The following TFEB variants were observed in gnomAD, a reference collection of about 807,000 sequenced individuals.
The protein encoded by TFEB is transcription factor EB, also known as T-cell transcription factor EB.
In TFEB, 12 loss-of-function variants were observed where a neutral mutation model predicts 48.0. The ratio of observed to expected loss-of-function variants is 0.25; its 90% CI spans 0.16 to 0.40. The LOEUF (loss-of-function observed/expected upper bound fraction) is 0.40. Among genes scored for constraint, TFEB ranks in the 10% least tolerant of loss-of-function variants. The pLI, the probability that TFEB is intolerant of heterozygous loss-of-function variation, is 1.00. For synonymous variants in TFEB, 244 were observed against 261.4 expected (o/e 0.93, Z 0.64); for missense variants, 509 against 640.3 (o/e 0.79, Z 2.21).
Position 41,690,881 on chromosome 6 carries a change from G to A in TFEB, c.250C>T (p.Leu84=). 1 of 1,605,092 alleles carries A rather than the reference G, an allele frequency of 6.2e-7. No individual in the cohort carries two copies. Among genetic ancestry groups the A allele is most frequent in the South Asian group, 1.1e-5 (1 of 90,142 alleles). Residue 84 remains leucine (L), a synonymous_variant, in exon 3 of 9, where the codon CTG becomes TTG. Coordinates refer to ENST00000373033, the MANE Select transcript of TFEB (RefSeq NM_001271944.2). Reference sequence around the variant, plus strand: ...ACCTTCTGATGCTGCGACTGCTGCAGATGGTAGGATGTGGGATTCTCCAGG... The same window carrying A: ...ACCTTCTGATGCTGCGACTGCTGCAAATGGTAGGATGTGGGATTCTCCAGG... ...SYLENPTSYH[L]QQSQHQKVRE...
intron 1 of TFEB, among the ~76,000 whole-genome samples, chr6:41,701,669 G>A (rs1468433657): frequency 1.3e-5 from 2 of 152,228 alleles, no homozygotes; most frequent in African/African-American, 4.8e-5. Context: ...AGTAGGCCAG[G>A]CGCAGTGGCT....
In TFEB at chr6:41,733,885, C is replaced by T. The variant is rs1771555300; in HGVS notation, c.-23+1465G>A. 1.0e-5 allele frequency: 10 copies of T among 986,076 alleles called. No individual in the cohort carries two copies. In the South Asian group the frequency reaches 4.7e-4, roughly 46 times the overall value. The allele number at this position is 986,076 out of a possible 1,614,324, so 61.1% of individuals were successfully genotyped here. On this transcript the variant is annotated intron_variant, in intron 1 of 8. Transcript: ENST00000373033. ...CCAGAAGGAAACCAGAGACCAGCCTCCAACCTCATCCCCAGCTGCCCAACA... is the reference window on the plus strand; with the variant it reads ...CCAGAAGGAAACCAGAGACCAGCCTTCAACCTCATCCCCAGCTGCCCAACA...
At chr6:41,690,972 G>C in intron 2 of TFEB, 29 bp downstream of exon 2, 1 of 1,568,998 alleles carries the variant, frequency 6.4e-7, no homozygotes. Context: ...GTGGGGACAG[G>C]GTGGGGGGCA....
At chr6:41,697,145 C>T (rs943899455) in intron 1 of TFEB, among the ~76,000 whole-genome samples, 29 of 151,510 alleles carry the variant, frequency 1.9e-4, no homozygotes, top group Middle Eastern at 3.5e-3. Flanking sequence ...TGGTGGCTCA[C>T]GCCTGTAATC....
chr6:41,714,392 C>T (rs1469716073), intron 1 of TFEB, among the ~76,000 whole-genome samples: 1 of 152,108 alleles, frequency 6.6e-6, no homozygotes, highest in Non-Finnish European at 1.5e-5. Flanking sequence ...TGTCTTTGTT[C>T]TAGATTATGA....
At chr6:41,710,667 G>T (rs1770435755) in intron 1 of TFEB, among the ~76,000 whole-genome samples, 1 of 152,112 alleles carries the variant, frequency 6.6e-6, no homozygotes, top group Non-Finnish European at 1.5e-5. Context: ...TAAAGTCCAA[G>T]CGCTCTAGTT....
In TFEB at chr6:41,686,087, G is replaced by C. The variant is rs1038683928; in HGVS notation, c.951+3C>G. ...CCAAAGAAGTCCAAGTTCAGGACCA[G>C]ACCTGGATACGGAGCCAGAGCTGCT... is the stretch of plus-strand genomic sequence containing the variant. On this transcript the variant is annotated splice_donor_region_variant and intron_variant, in intron 8 of 8. Transcript: ENST00000373033. 5 of 1,614,266 alleles carry C rather than the reference G, an allele frequency of 3.1e-6. No individual in the cohort carries two copies. Among genetic ancestry groups the C allele is most frequent in the Non-Finnish European group, 4.2e-6 (5 of 1,180,044 alleles).
chr6:41,725,814 C>T (rs572603169), intron 1 of TFEB, among the ~76,000 whole-genome samples: 13 of 152,282 alleles, frequency 8.5e-5, no homozygotes, highest in African/African-American at 2.9e-4. Flanking sequence ...AGACATGTTA[C>T]ACACTCACCA....
rs1342911865 is a variant in TFEB at position 41,730,643 on chromosome 6, A to G, written c.-23+4707T>C. 6.6e-6 allele frequency among the ~76,000 whole-genome samples: 1 copy of G among 152,184 alleles called. No homozygotes were observed. The highest frequency in any genetic ancestry group is 6.5e-5 in the Admixed American group (1 of 15,284). ...CTCACCCACGGCTTTGCCATTTCAC[A>G]GCAAAGCATTTCCTGTGGGCATGAT... is the stretch of plus-strand genomic sequence containing the variant. On this transcript the variant is annotated intron_variant, in intron 1 of 8. Transcript: ENST00000373033. This position sits in a 1 kb window ranked among gnomAD's most constrained non-coding sequence, Gnocchi z 4.1.
chr6:41,733,775 C>T, intron 1 of TFEB: 2 of 985,378 alleles, frequency 2.0e-6, no homozygotes, highest in Non-Finnish European at 2.4e-6. Flanking sequence ...GGACAGTGAG[C>T]TCCCTGAGGG....
rs974082578 is a variant in TFEB at position 41,725,161 on chromosome 6, C to T, written c.-23+10189G>A. Among the ~76,000 whole-genome samples the T allele has an allele frequency of 3.3e-5, 5 of 152,196 alleles. 1 individual carries two copies. Among genetic ancestry groups the T allele is most frequent in the Non-Finnish European group, 7.4e-5 (5 of 68,012 alleles). Reference sequence around the variant, plus strand: ...AGCAAGTTTATGGCAAATCTGTTTCCTGGCTCTTTTCCTAGATCAGAGTTT... The same window carrying T: ...AGCAAGTTTATGGCAAATCTGTTTCTTGGCTCTTTTCCTAGATCAGAGTTT... On this transcript the variant is annotated intron_variant, in intron 1 of 8. Transcript: ENST00000373033.
At chr6:41,702,496 G>A (rs1185232724) in intron 1 of TFEB, among the ~76,000 whole-genome samples, 3 of 152,124 alleles carry the variant, frequency 2.0e-5, no homozygotes. Flanking sequence ...GGGCCTGAGG[G>A]CGATAGAGGG....
Position 41,684,891 on chromosome 6 carries a change from G to A in TFEB, c.1139C>T (p.Pro380Leu), listed in dbSNP as rs199923357. ...TGGTGGCTGGGTGGGCAGGGGCAGC[G>A]GGGCTTGCGGGGGCAGAGCTGGCAG... ...EPLPALPPQA[P>L]LPLPTQPPSP... Residue 380 changes from proline to leucine, a missense_variant, in exon 9 of 9, where the codon CCG becomes CTG. Around this residue, in one of 4 missense-constraint regions of TFEB, gnomAD observed 168 missense variants for 161.0 expected, o/e 1.04. Coordinates refer to ENST00000373033, the MANE Select transcript of TFEB (RefSeq NM_001271944.2). 1.2e-4 allele frequency: 195 copies of A among 1,567,524 alleles called. No homozygotes were observed. Among genetic ancestry groups the A allele is most frequent in the Non-Finnish European group, 1.4e-4 (165 of 1,155,830 alleles).
Position 41,734,859 on chromosome 6 carries a change from C to G in TFEB, c.-23+491G>C, listed in dbSNP as rs1771608506. ...GCCGCTCTGGCCCTCCCACTCCCCC[C>G]GCTGGCCTGGCCAGACTCAGCCCCC... On this transcript the variant is annotated intron_variant, in intron 1 of 8. Coordinates refer to ENST00000373033, the MANE Select transcript of TFEB (RefSeq NM_001271944.2). The surrounding 1 kb of genome is among the most constrained non-coding windows in gnomAD (Gnocchi z 4.0). The G allele has an allele frequency of 1.0e-6, 1 of 983,286 alleles. No homozygotes were observed. The highest frequency in any genetic ancestry group is 1.2e-6 in the Non-Finnish European group (1 of 828,034). The allele number at this position is 983,286 out of a possible 1,614,324, so 60.9% of individuals were successfully genotyped here.
rs1771082679 is a variant in TFEB, at chr6:41,723,652, G to GCGGC, written c.-23+11694_-23+11697dup. 11 of 790,256 alleles carry GCGGC rather than the reference G, an allele frequency of 1.4e-5. No individual in the cohort carries two copies. In the South Asian group the frequency reaches 1.9e-4, roughly 14 times the overall value. 49.0% of individuals were successfully genotyped at this position (790,256 alleles called of 1,614,324 possible). A position where few individuals can be genotyped will look rare whatever the true frequency, so the allele number is the denominator to read the frequency against. On this transcript the variant is annotated intron_variant, in intron 1 of 8. Coordinates refer to ENST00000373033, the MANE Select transcript of TFEB (RefSeq NM_001271944.2). The surrounding 1 kb of genome is among the most constrained non-coding windows in gnomAD (Gnocchi z 6.0). Reference sequence around the variant, plus strand: ...GCACAATCCCCTGGGAGCTGCAAATGCGGCCGAGGATTACTCACAGCACAG... The same window carrying GCGGC: ...GCACAATCCCCTGGGAGCTGCAAATGCGGCCGGCCGAGGATTACTCACAGCACAG...
chr6:41,718,340 C>T (rs778134980), intron 1 of TFEB, among the ~76,000 whole-genome samples: 1 of 152,084 alleles, frequency 6.6e-6, no homozygotes, highest in African/African-American at 2.4e-5. Flanking sequence ...TCTCCCATAG[C>T]TGGGACTACA....
In TFEB at chr6:41,732,521, TAC is replaced by T. The variant is rs373992664; in HGVS notation, c.-23+2827_-23+2828del. 2,012 of 943,064 alleles carry T rather than the reference TAC, an allele frequency of 2.1e-3. 43 individuals carry two copies. The African/African-American group carries it at 0.033, about 15-fold the overall frequency. The allele number at this position is 943,064 out of a possible 1,614,324, so 58.4% of individuals were successfully genotyped here. A position where few individuals can be genotyped will look rare whatever the true frequency, so the allele number is the denominator to read the frequency against. ...TATTAATATAATCTTGTTTTATTGT[TAC>T]ACTCTCATAGACACACATGCACAGT... On this transcript the variant is annotated intron_variant, in intron 1 of 8. Transcript: ENST00000373033.
intron 1 of TFEB, among the ~76,000 whole-genome samples, chr6:41,699,302 C>G (rs1465936782): frequency 6.6e-6 from 1 of 152,254 alleles, no homozygotes; most frequent in Non-Finnish European, 1.5e-5. Flanking sequence ...TCCAGGCCCA[C>G]TGGGGGCATC....
At chr6:41,706,930 G>A (rs1770253893) in intron 1 of TFEB, among the ~76,000 whole-genome samples, 1 of 152,146 alleles carries the variant, frequency 6.6e-6, no homozygotes, top group Non-Finnish European at 1.5e-5. Flanking sequence ...CCTTTACCAG[G>A]ACAGAGCGAG....
Sources: allele counts gnomAD v4.1 joint callset (sites outside exome capture counted in the v4.1 genomes callset), GRCh38; gene constraint gnomAD v4.1.1; regional missense constraint gnomAD v4.1.1; non-coding constraint Gnocchi (gnomAD v3.1); transcripts MANE v1.5; gene names NCBI Gene and HGNC (gene_info 2026-07-23, HGNC 2026-07-21).